The following KHDRBS2 variants were observed in gnomAD, a reference collection of about 807,000 sequenced individuals.
KHDRBS2 encodes KH RNA binding domain containing, signal transduction associated 2, also known as KH domain-containing, RNA-binding, signal transduction-associated protein 2.
A neutral mutation model predicts 44.3 loss-of-function variants in KHDRBS2; 26 were observed. The ratio of observed to expected loss-of-function variants is 0.59; its 90% CI spans 0.43 to 0.81. The LOEUF (loss-of-function observed/expected upper bound fraction) is 0.81. Ranked by LOEUF, KHDRBS2 falls within the 40% of genes least tolerant of loss-of-function variation. The probability of loss-of-function intolerance (pLI) is 0.00; values close to 1 mark genes in which losing one functional copy is unlikely to be tolerated. For synonymous variants in KHDRBS2, 194 were observed against 151.1 expected (o/e 1.28, Z -2.08); for missense variants, 476 against 433.1 (o/e 1.10, Z -0.88).
intron 6 of KHDRBS2, among the ~76,000 whole-genome samples, chr6:61,846,788 T>C (rs199941327): frequency 1.9e-5 from 1 of 54,048 alleles, no homozygotes; most frequent in Non-Finnish European, 3.7e-5. Flanking sequence ...TAAGTACATA[T>C]ATATATATAT....
the KHDRBS2 span, among the ~76,000 whole-genome samples, chr6:61,555,684 G>A: frequency 6.6e-6 from 1 of 152,290 alleles, no homozygotes; most frequent in African/African-American, 2.4e-5. Flanking sequence ...ACATTTGTTT[G>A]TTTCGCTTGC....
the KHDRBS2 span, among the ~76,000 whole-genome samples, chr6:61,563,078 T>C: frequency 1.3e-5 from 2 of 152,108 alleles, no homozygotes; most frequent in Non-Finnish European, 2.9e-5. Flanking sequence ...TAGGAGAAGA[T>C]ATTGTTTTTA....
At chr6:61,695,267 T>A (rs1954653) in intron 8 of KHDRBS2, among the ~76,000 whole-genome samples, 54,507 of 151,850 alleles carry the variant, frequency 0.36, 10,494 homozygotes, top group East Asian at 0.48. Context: ...TCAGACACAC[T>A]TGAATTCACA....
the KHDRBS2 span, among the ~76,000 whole-genome samples, chr6:61,544,998 T>C: frequency 1.3e-5 from 2 of 151,864 alleles, 1 homozygote; most frequent in South Asian, 4.2e-4. Flanking sequence ...AGTTAATGGG[T>C]GCAGCACACC....
intron 2 of KHDRBS2, among the ~76,000 whole-genome samples, chr6:62,113,393 C>A (rs1408449328): frequency 6.6e-6 from 1 of 151,990 alleles, no homozygotes; most frequent in East Asian, 1.9e-4. Flanking sequence ...TTATAAATTC[C>A]TGAAAACCCA....
chr6:61,821,122 T>G (rs893926197), intron 6 of KHDRBS2, among the ~76,000 whole-genome samples: 1 of 151,990 alleles, frequency 6.6e-6, no homozygotes, highest in African/African-American at 2.4e-5. Flanking sequence ...GATATCTATG[T>G]TTCCTCATCA....
chr6:61,840,369 C>T (rs1304181711), intron 6 of KHDRBS2, among the ~76,000 whole-genome samples: 1 of 152,030 alleles, frequency 6.6e-6, no homozygotes, highest in African/African-American at 2.4e-5. Flanking sequence ...AACTTAGTAC[C>T]TTTAGAAAAC....
intron 1 of KHDRBS2, among the ~76,000 whole-genome samples, chr6:62,240,275 C>A (rs1009057515): frequency 1.3e-5 from 2 of 152,074 alleles, no homozygotes; most frequent in African/African-American, 4.8e-5. Context: ...ATCCCCATCA[C>A]TGTGGGTGTT....
At chr6:61,849,453 A>T (rs1020707165) in intron 6 of KHDRBS2, among the ~76,000 whole-genome samples, 2 of 152,096 alleles carry the variant, frequency 1.3e-5, no homozygotes, top group African/African-American at 4.8e-5. Context: ...ATTTTGAAAC[A>T]TCTACATTAT....
chr6:61,934,399 C>T (rs1168039410), intron 4 of KHDRBS2, among the ~76,000 whole-genome samples: 1 of 152,002 alleles, frequency 6.6e-6, no homozygotes, highest in Non-Finnish European at 1.5e-5. Flanking sequence ...AAGCATTTCC[C>T]CTAGGAGACT....
chr6:61,803,405 G>A (rs954561021), intron 6 of KHDRBS2, among the ~76,000 whole-genome samples: 13 of 152,014 alleles, frequency 8.6e-5, no homozygotes, highest in Admixed American at 3.3e-4. Context: ...AAAAAATTAC[G>A]TATTACTGAG....
intron 6 of KHDRBS2, among the ~76,000 whole-genome samples, chr6:61,745,873 C>T (rs1172919664): frequency 6.6e-6 from 1 of 151,788 alleles, no homozygotes; most frequent in East Asian, 1.9e-4. Flanking sequence ...TTGCTCACAC[C>T]TTTAAGTGGG....
At chr6:61,712,817 A>G (rs1770744901) in intron 7 of KHDRBS2, among the ~76,000 whole-genome samples, 1 of 151,722 alleles carries the variant, frequency 6.6e-6, no homozygotes, top group African/African-American at 2.4e-5. Flanking sequence ...CCCCCCACCT[A>G]GCCTTTTATA....
the KHDRBS2 span, among the ~76,000 whole-genome samples, chr6:61,611,170 C>A: frequency 6.6e-6 from 1 of 152,140 alleles, no homozygotes; most frequent in Admixed American, 6.5e-5. Context: ...TGTATAAAAT[C>A]AAGCAATTGG....
chr6:61,956,367 T>G (rs1190498358), intron 4 of KHDRBS2, among the ~76,000 whole-genome samples: 1 of 152,194 alleles, frequency 6.6e-6, no homozygotes. Context: ...GGGGGTAAAC[T>G]GATAAACATC....
intron 1 of KHDRBS2, among the ~76,000 whole-genome samples, chr6:62,263,738 A>T (rs1838742850): frequency 6.6e-6 from 1 of 151,916 alleles, no homozygotes; most frequent in East Asian, 1.9e-4. Flanking sequence ...TTACTACTTC[A>T]TATTCAATAA....
intron 6 of KHDRBS2, among the ~76,000 whole-genome samples, chr6:61,755,849 T>C (rs1778416078): frequency 6.7e-6 from 1 of 150,222 alleles, no homozygotes; most frequent in East Asian, 2.0e-4. Flanking sequence ...TATACTATAA[T>C]AATTAATTGA....
intron 2 of KHDRBS2, among the ~76,000 whole-genome samples, chr6:62,151,179 T>C (rs1348084082): frequency 2.0e-5 from 3 of 152,170 alleles, no homozygotes; most frequent in Admixed American, 6.5e-5. Flanking sequence ...ATTTAATGAA[T>C]TTCCCTTAGC....
chr6:62,107,508 G>GC (rs1225779101), intron 2 of KHDRBS2, among the ~76,000 whole-genome samples: 33 of 152,104 alleles, frequency 2.2e-4, no homozygotes, highest in Non-Finnish European at 4.3e-4. Flanking sequence ...CGTGAAAATG[G>GC]CCATACTGCC....
Sources: gnomAD v4.1 joint callset for allele counts (sites outside exome capture counted in the v4.1 genomes callset) on GRCh38, gnomAD v4.1.1 for gene constraint, MANE v1.5 for transcripts, NCBI Gene and HGNC (gene_info 2026-07-23, HGNC 2026-07-21) for gene names.